ZNF131: variants seen among roughly 807,000 people sequenced by gnomAD.
The protein encoded by ZNF131 is zinc finger protein 131.
In ZNF131, 7 loss-of-function variants were observed where a neutral mutation model predicts 60.0. The ratio of observed to expected loss-of-function variants is 0.12; its 90% CI spans 0.07 to 0.22. ZNF131 has a LOEUF of 0.22. ZNF131 is among the 10% of genes least tolerant of loss of function. The pLI is 1.00. For missense variants in ZNF131, 493 were observed against 740.9 expected (o/e 0.67, Z 3.88); for synonymous variants, 257 against 253.2 (o/e 1.01, Z -0.14).
chr5:43,165,195 C>T (rs1750198411), intron 5 of ZNF131, among the ~76,000 whole-genome samples: 1 of 151,334 alleles, frequency 6.6e-6, no homozygotes, highest in African/African-American at 2.4e-5. Flanking sequence ...CCATGCTTGG[C>T]CCTGTATTTC....
At chr5:43,153,486 AAAAG>A (rs1748583562) in intron 4 of ZNF131, among the ~76,000 whole-genome samples, 1 of 151,038 alleles carries the variant, frequency 6.6e-6, no homozygotes, top group Non-Finnish European at 1.5e-5. Flanking sequence ...AAAAAAAAAA[AAAAG>A]CAAAATTAGC....
rs1222287683 is a variant in ZNF131 at position 43,161,732 on chromosome 5, T to G, written c.855T>G (p.Thr285=). The G allele has an allele frequency of 6.2e-7, 1 of 1,614,094 alleles. No homozygotes were observed. Among genetic ancestry groups the G allele is most frequent in the Non-Finnish European group, 8.5e-7 (1 of 1,180,036 alleles). Residue 285 remains threonine, a synonymous_variant, in exon 5 of 7, where the codon ACT becomes ACG. Coordinates refer to ENST00000682664, the MANE Select transcript of ZNF131 (RefSeq NM_001330707.2). ...AGGAGCACATGAAATCACACTCCAC[T>G]GAGAGTTTCAAGTGTGAAATATGCA... The part of the protein sequence containing the change: ...HFKEHMKSHS[T]ESFKCEICNK...
intron 4 of ZNF131, among the ~76,000 whole-genome samples, chr5:43,139,970 C>T (rs1746595416): frequency 6.6e-6 from 1 of 152,144 alleles, no homozygotes. Flanking sequence ...AATCCCAGCA[C>T]TTTGGAAGGC....
intron 4 of ZNF131, among the ~76,000 whole-genome samples, chr5:43,151,068 C>A (rs1468253552): frequency 6.6e-6 from 1 of 152,180 alleles, no homozygotes; most frequent in Non-Finnish European, 1.5e-5. Context: ...ATTATACAGG[C>A]TCCACATTGT....
intron 4 of ZNF131, among the ~76,000 whole-genome samples, chr5:43,140,943 T>C (rs1746743439): frequency 1.3e-5 from 2 of 152,072 alleles, no homozygotes; most frequent in Admixed American, 1.3e-4. Context: ...GGTCTCAAAC[T>C]CCCAACCTTA....
At chr5:43,143,909 T>TTG (rs1481069929) in intron 4 of ZNF131, among the ~76,000 whole-genome samples, 1 of 73,802 alleles carries the variant, frequency 1.4e-5, no homozygotes, top group African/African-American at 5.6e-5. Context: ...TTTTTTTTTT[T>TTG]TTTTTTTTTT....
intron 4 of ZNF131, among the ~76,000 whole-genome samples, chr5:43,140,276 C>T (rs116393249): frequency 6.6e-6 from 1 of 152,228 alleles, no homozygotes; most frequent in Non-Finnish European, 1.5e-5. Context: ...ACCTCAACAT[C>T]CTTACTTGAT....
intron 5 of ZNF131, among the ~76,000 whole-genome samples, chr5:43,162,675 G>A (rs369965580): frequency 2.0e-5 from 3 of 150,678 alleles, no homozygotes; most frequent in Admixed American, 6.6e-5. Flanking sequence ...AGGCCGAGGC[G>A]GGTGGATATC....
At chr5:43,163,041 G>A (rs1310622504) in intron 5 of ZNF131, among the ~76,000 whole-genome samples, 1 of 129,012 alleles carries the variant, frequency 7.8e-6, no homozygotes, top group South Asian at 2.8e-4. Context: ...GCACGATCTT[G>A]GCTCACTGTA....
At chr5:43,164,636 C>T (rs149174767) in intron 5 of ZNF131, among the ~76,000 whole-genome samples, 49 of 152,264 alleles carry the variant, frequency 3.2e-4, no homozygotes, top group Non-Finnish European at 5.9e-4. Context: ...CTGACTTTTA[C>T]CTCTTAGAAA....
rs989725155 is a variant in ZNF131 at position 43,154,825 on chromosome 5, C to T, written c.372-6424C>T. ...ACCCAGATAATTCCGGCAACAGCTG[C>T]TATTTTTTCCACAGTTGTGGCCCCA... On this transcript the variant is annotated intron_variant, in intron 4 of 6. Coordinates refer to ENST00000682664, the MANE Select transcript of ZNF131 (RefSeq NM_001330707.2). Among the ~76,000 whole-genome samples, 10 of 152,196 alleles carry T rather than the reference C, an allele frequency of 6.6e-5. 1 individual carries two copies. The highest frequency in any genetic ancestry group is 2.2e-4 in the African/African-American group (9 of 41,448).
intron 1 of ZNF131, 33 bp from the exon 2 acceptor site, chr5:43,122,006 A>G (rs1055892746): frequency 1.2e-6 from 2 of 1,601,244 alleles, no homozygotes; most frequent in African/African-American, 2.7e-5. Flanking sequence ...GCTCGAGCTC[A>G]TGGGTGTACA....
chr5:43,122,353 C>T (rs1049319498), intron 2 of ZNF131, among the ~76,000 whole-genome samples, 176 bp downstream of exon 2: 24 of 151,040 alleles, frequency 1.6e-4, no homozygotes, highest in African/African-American at 5.6e-4. Flanking sequence ...TCCACTCACA[C>T]AGCGTGCTGC....
chr5:43,139,290 A>G lies in ZNF131; in HGVS notation c.352A>G (p.Ile118Val), dbSNP rs774972822. The change falls in exon 4 of 7, where the codon ATC becomes GTC. Residue 118 changes from isoleucine (I) to valine (V), a missense_variant. By Grantham distance (29) the Ile-to-Val change is conservative. Around this residue, in one of 7 missense-constraint regions of ZNF131, gnomAD observed 66 missense variants for 148.0 expected, o/e 0.45. Transcript: ENST00000682664. ...AAEFLQMLEA[I>V]KALEVRNKEN... is the part of the protein sequence containing the mutation. ...AGAGTTTCTACAAATGCTAGAAGCT[A>G]TCAAAGCCCTTGAAGTCAGGTACTT... The G allele has an allele frequency of 7.5e-6, 12 of 1,608,734 alleles. No homozygotes were observed. In the South Asian group the frequency reaches 1.3e-4, roughly 18 times the overall value.
intron 2 of ZNF131, 44 bp downstream of exon 2, chr5:43,122,221 T>C (rs749105585): frequency 1.3e-6 from 2 of 1,577,748 alleles, no homozygotes; most frequent in Non-Finnish European, 1.7e-6. Context: ...TGGCTTCAGT[T>C]TTTTTCTGTC....
intron 5 of ZNF131, among the ~76,000 whole-genome samples, chr5:43,171,757 C>T (rs1751020300): frequency 6.6e-6 from 1 of 152,148 alleles, no homozygotes; most frequent in Admixed American, 6.5e-5. Context: ...GTAGCTGGGA[C>T]TACAGGCTCG....
At chr5:43,160,678 CTTTTTTT>C (rs71608692) in intron 4 of ZNF131, among the ~76,000 whole-genome samples, 22 of 93,036 alleles carry the variant, frequency 2.4e-4, no homozygotes, top group African/African-American at 6.4e-4. Context: ...TAGCTTGGAA[CTTTTTTT>C]TTTTTTTTTT....
chr5:43,132,850 G>T (rs909724921), intron 3 of ZNF131, among the ~76,000 whole-genome samples: 4 of 152,110 alleles, frequency 2.6e-5, no homozygotes, highest in Non-Finnish European at 4.4e-5. Context: ...ATACTGCTTT[G>T]AACACTTAAA....
chr5:43,168,350 AACAT>A (rs1750608119), intron 5 of ZNF131, among the ~76,000 whole-genome samples: 1 of 152,234 alleles, frequency 6.6e-6, no homozygotes, highest in African/African-American at 2.4e-5. Flanking sequence ...AAGGAAATGA[AACAT>A]ACACAGTCAC....
Sources: allele counts gnomAD v4.1 joint callset (sites outside exome capture counted in the v4.1 genomes callset), GRCh38; gene constraint gnomAD v4.1.1; regional missense constraint gnomAD v4.1.1; transcripts MANE v1.5; gene names NCBI Gene and HGNC (gene_info 2026-07-23, HGNC 2026-07-21).